MAP2: variants seen among roughly 807,000 people sequenced by gnomAD.
MAP2 encodes microtubule associated protein 2.
MAP2 carries 14 observed loss-of-function variants against 137.6 expected under a neutral mutation model. The ratio of observed to expected loss-of-function variants is 0.10; its 90% confidence interval spans 0.07 to 0.16. The LOEUF is 0.16. MAP2 is among the 10% of genes least tolerant of loss of function. MAP2 has a pLI of 1.00. For synonymous variants in MAP2, 786 were observed against 782.3 expected (o/e 1.00, Z -0.08); for missense variants, 2,088 against 2,191.5 (o/e 0.95, Z 0.94).
At chr2:209,429,078 C>T (rs1341404483) in intron 1 of MAP2, among the ~76,000 whole-genome samples, 1 of 151,934 alleles carries the variant, frequency 6.6e-6, no homozygotes, top group African/African-American at 2.4e-5. Context: ...CTCAGCCTCC[C>T]GAGTAGCTGG....
At chr2:209,674,348 T>C (rs2050263451) in intron 5 of MAP2, among the ~76,000 whole-genome samples, 1 of 151,828 alleles carries the variant, frequency 6.6e-6, no homozygotes, top group Non-Finnish European at 1.5e-5. Flanking sequence ...TTATTTGTAT[T>C]CCAGGCCTGT....
At chr2:209,562,724 G>A (rs2072455405) in intron 2 of MAP2, among the ~76,000 whole-genome samples, 2 of 151,836 alleles carry the variant, frequency 1.3e-5, no homozygotes, top group South Asian at 2.1e-4. Flanking sequence ...AATGCAAACA[G>A]CATCCCAGTG....
intron 3 of MAP2, among the ~76,000 whole-genome samples, chr2:209,588,487 A>G (rs1039798221): frequency 1.4e-4 from 22 of 152,206 alleles, no homozygotes; most frequent in Admixed American, 6.5e-4. Context: ...AAGATACTCC[A>G]TTTAATGCAT....
At chr2:209,711,229 G>A (rs1559638748) in intron 13 of MAP2, among the ~76,000 whole-genome samples, 1 of 151,742 alleles carries the variant, frequency 6.6e-6, no homozygotes. Flanking sequence ...TCTTTTTCTT[G>A]TCTCTTGTAT....
In MAP2 at chr2:209,732,294, G is replaced by T. The variant is rs2075874093; in HGVS notation, c.*1897G>T. The T allele has an allele frequency of 1.3e-5, 2 of 152,180 alleles. No homozygotes were observed. The highest frequency in any genetic ancestry group is 6.5e-5 in the Admixed American group (1 of 15,274). 9.4% of individuals were successfully genotyped at this position (152,180 alleles called of 1,614,324 possible). A position where few individuals can be genotyped will look rare whatever the true frequency, so the allele number is the denominator to read the frequency against. ...ACAGGTGCTTTTTGGTGACCCAGTG[G>T]ATATGGCAACCAGTGTAACTGCCAT... On this transcript the variant is annotated 3_prime_UTR_variant, in exon 16 of 16. Transcript: ENST00000682079.
chr2:209,690,670 T>A (rs1467555419), intron 7 of MAP2: 1 of 1,289,730 alleles, frequency 7.8e-7, no homozygotes, highest in South Asian at 1.2e-5. Context: ...AGAAAGAGTG[T>A]GGGGCTGCTA....
chr2:209,652,037 AGTGTTGCCTGT>A (rs2094837787), intron 4 of MAP2, among the ~76,000 whole-genome samples: 1 of 152,228 alleles, frequency 6.6e-6, no homozygotes, highest in African/African-American at 2.4e-5. Flanking sequence ...CATCAAAGAC[AGTGTTGCCTGT>A]GTTGTCATCC....
chr2:209,672,867 T>C (rs187177347), intron 5 of MAP2, among the ~76,000 whole-genome samples: 3 of 152,004 alleles, frequency 2.0e-5, no homozygotes, highest in Admixed American at 2.0e-4. Flanking sequence ...ATGATACCGT[T>C]TGGGTTTCTT....
intron 3 of MAP2, among the ~76,000 whole-genome samples, chr2:209,612,255 A>G (rs1279701335): frequency 6.6e-6 from 1 of 152,216 alleles, no homozygotes; most frequent in Non-Finnish European, 1.5e-5. Context: ...TTCATAAAAT[A>G]TTTCGAGAGT....
intron 1 of MAP2, among the ~76,000 whole-genome samples, chr2:209,499,823 T>C (rs1007662467): frequency 6.6e-6 from 1 of 152,056 alleles, no homozygotes; most frequent in Non-Finnish European, 1.5e-5. Flanking sequence ...GCACACACTT[T>C]TAAGTGACTG....
Position 209,611,471 on chromosome 2 carries a change from T to A in MAP2, c.-106-13582T>A, listed in dbSNP as rs536967198. Among the ~76,000 whole-genome samples the A allele has an allele frequency of 1.4e-4, 21 of 151,736 alleles. No homozygotes were observed. In the East Asian group the frequency reaches 1.5e-3, roughly 11 times the overall value. On this transcript the variant is annotated intron_variant, in intron 3 of 15. Coordinates refer to ENST00000682079, the MANE Select transcript of MAP2 (RefSeq NM_001375505.1). ...TACCATGTAATGCACACTGAAAAAA[T>A]ATATATATAATATAATTTACAATTT...
At chr2:209,450,783 A>G (rs1700134414) in intron 1 of MAP2, among the ~76,000 whole-genome samples, 1 of 152,182 alleles carries the variant, frequency 6.6e-6, no homozygotes, top group Non-Finnish European at 1.5e-5. Flanking sequence ...GATTCATTAC[A>G]TATATTTAAT....
intron 13 of MAP2, among the ~76,000 whole-genome samples, chr2:209,725,196 G>C (rs975557102): frequency 6.6e-6 from 1 of 152,094 alleles, no homozygotes; most frequent in Non-Finnish European, 1.5e-5. Flanking sequence ...TTATAATTTG[G>C]TATGAAAGAA....
chr2:209,619,129 T>TG (rs1428685915), intron 3 of MAP2, among the ~76,000 whole-genome samples: 2 of 152,024 alleles, frequency 1.3e-5, no homozygotes, highest in Non-Finnish European at 2.9e-5. Context: ...GCAGTGATGT[T>TG]GGGGGTATGC....
At chr2:209,617,058 G>A (rs1580783755) in intron 3 of MAP2, among the ~76,000 whole-genome samples, 1 of 152,106 alleles carries the variant, frequency 6.6e-6, no homozygotes, top group Admixed American at 6.6e-5. Context: ...ACAGAAAGGC[G>A]GGATGGGGGA....
At chr2:209,454,086 G>T (rs1287887571) in intron 1 of MAP2, among the ~76,000 whole-genome samples, 1 of 150,248 alleles carries the variant, frequency 6.7e-6, no homozygotes, top group Non-Finnish European at 1.5e-5. Flanking sequence ...GGGAGGCGGA[G>T]CTTGCAGTGA....
chr2:209,616,353 A>G (rs1580749330), intron 3 of MAP2, among the ~76,000 whole-genome samples: 2 of 152,372 alleles, frequency 1.3e-5, no homozygotes, highest in East Asian at 3.9e-4. Context: ...ACAGCCAGTA[A>G]GTGTTCAAGT....
chr2:209,457,548 A>T (rs752492423), intron 1 of MAP2, among the ~76,000 whole-genome samples: 11 of 152,130 alleles, frequency 7.2e-5, no homozygotes, highest in Admixed American at 1.3e-4. Context: ...CGGTGGTCAT[A>T]TAATGAAGCT....
At chr2:209,565,068 G>A (rs1197021931) in intron 2 of MAP2, among the ~76,000 whole-genome samples, 3 of 152,024 alleles carry the variant, frequency 2.0e-5, no homozygotes, top group South Asian at 2.1e-4. Context: ...TCACCGCTTG[G>A]CTGCTTCACT....
Sources: allele counts gnomAD v4.1 joint callset (sites outside exome capture counted in the v4.1 genomes callset), GRCh38; gene constraint gnomAD v4.1.1; transcripts MANE v1.5; gene names NCBI Gene and HGNC (gene_info 2026-07-23, HGNC 2026-07-21).